The following GALNT7 variants were observed in gnomAD, a reference collection of about 807,000 sequenced individuals.
GALNT7 encodes the protein N-acetylgalactosaminyltransferase 7.
In GALNT7, 60 loss-of-function variants were observed where a neutral mutation model predicts 82.1. The ratio of observed to expected loss-of-function variants is 0.73; its 90% CI spans 0.59 to 0.91. GALNT7 has a LOEUF of 0.91. Among genes scored for constraint, GALNT7 ranks in the 40% least tolerant of loss-of-function variants. GALNT7 has a pLI of 0.00. For missense variants in GALNT7, 660 were observed against 804.2 expected (o/e 0.82, Z 2.17); for synonymous variants, 243 against 275.1 (o/e 0.88, Z 1.15).
chr4:173,218,356 G>C (rs1418553628), intron 1 of GALNT7, among the ~76,000 whole-genome samples: 1 of 152,156 alleles, frequency 6.6e-6, no homozygotes, highest in Non-Finnish European at 1.5e-5. Context: ...TTGAAAAAAC[G>C]TGAGACGATT....
At chr4:173,225,707 A>G (rs999291395) in intron 1 of GALNT7, among the ~76,000 whole-genome samples, 1 of 152,170 alleles carries the variant, frequency 6.6e-6, no homozygotes, top group Non-Finnish European at 1.5e-5. Context: ...GGAAAACACA[A>G]GTTTTATCTT....
chr4:173,288,832 A>G (rs749227206), intron 2 of GALNT7, among the ~76,000 whole-genome samples: 2 of 151,912 alleles, frequency 1.3e-5, no homozygotes, highest in Non-Finnish European at 2.9e-5. Context: ...GTCTCCAGGA[A>G]ATCACAAACA....
chr4:173,272,602 G>C (rs1328091488), intron 2 of GALNT7, among the ~76,000 whole-genome samples: 4 of 152,190 alleles, frequency 2.6e-5, no homozygotes, highest in Admixed American at 1.3e-4. Context: ...CAATGAAGCA[G>C]AGATGTAAAA....
chr4:173,277,890 T>G (rs1159246422), intron 2 of GALNT7, among the ~76,000 whole-genome samples: 1 of 152,186 alleles, frequency 6.6e-6, no homozygotes, highest in East Asian at 1.9e-4. Context: ...AAGAGTGCAC[T>G]AGATTTGTTA....
intron 1 of GALNT7, among the ~76,000 whole-genome samples, chr4:173,187,621 A>G (rs562870550): frequency 1.3e-5 from 2 of 152,352 alleles, no homozygotes; most frequent in East Asian, 1.9e-4. Flanking sequence ...TACTTGTTTC[A>G]CTATCTCTTC....
chr4:173,259,386 A>G (rs916714872), intron 2 of GALNT7, among the ~76,000 whole-genome samples: 2 of 151,596 alleles, frequency 1.3e-5, no homozygotes, highest in Non-Finnish European at 2.9e-5. Context: ...GTAATCATTC[A>G]TGGATGCATT....
intron 2 of GALNT7, among the ~76,000 whole-genome samples, chr4:173,269,496 T>C (rs182280545): frequency 3.7e-4 from 57 of 152,312 alleles, no homozygotes; most frequent in Middle Eastern, 6.8e-3. Flanking sequence ...TTTGCACTGA[T>C]TGGAATATTT....
intron 1 of GALNT7, among the ~76,000 whole-genome samples, chr4:173,242,127 G>A (rs1734456964): frequency 6.6e-6 from 1 of 152,048 alleles, no homozygotes. Flanking sequence ...TCTTTTAGTG[G>A]AGCATTATGA....
chr4:173,270,583 G>GT (rs1735686944), intron 2 of GALNT7, among the ~76,000 whole-genome samples: 1 of 152,104 alleles, frequency 6.6e-6, no homozygotes, highest in African/African-American at 2.4e-5. Flanking sequence ...GATTTCTAAG[G>GT]TTTTTGATGG....
chr4:173,203,677 T>C (rs1361695364), intron 1 of GALNT7, among the ~76,000 whole-genome samples: 1 of 152,228 alleles, frequency 6.6e-6, no homozygotes, highest in Non-Finnish European at 1.5e-5. Context: ...CAACATCATC[T>C]AGTTATAACA....
At chr4:173,227,721 G>A (rs541177740) in intron 1 of GALNT7, among the ~76,000 whole-genome samples, 2 of 152,194 alleles carry the variant, frequency 1.3e-5, no homozygotes, top group Middle Eastern at 3.4e-3. Context: ...TGTTGGCGGA[G>A]GTCATGCAGC....
rs765706224 is a variant in GALNT7, at chr4:173,320,745, T to C, written c.1837-835T>C. On this transcript the variant is annotated intron_variant, in intron 11 of 11. Transcript: ENST00000265000. This position sits in a 1 kb window ranked among gnomAD's most constrained non-coding sequence, Gnocchi z 4.1. ...TATCCTTGAGCATTGTACCTCATTA[T>C]ATGGAAGTACTTGATACGTACTTCC... Among the ~76,000 whole-genome samples the C allele has an allele frequency of 9.2e-5, 14 of 152,190 alleles. No homozygotes were observed. Among genetic ancestry groups the C allele is most frequent in the Non-Finnish European group, 1.9e-4 (13 of 68,028 alleles).
intron 1 of GALNT7, among the ~76,000 whole-genome samples, chr4:173,201,599 G>T (rs1280364375): frequency 6.6e-6 from 1 of 152,140 alleles, no homozygotes; most frequent in Non-Finnish European, 1.5e-5. Flanking sequence ...CGGTTTACAG[G>T]ATTCAAATCA....
chr4:173,242,797 T>C (rs1734481529), intron 1 of GALNT7, among the ~76,000 whole-genome samples: 1 of 152,238 alleles, frequency 6.6e-6, no homozygotes, highest in Admixed American at 6.5e-5. Context: ...TCCCTCTGAA[T>C]TTCTGGAGCT....
At chr4:173,246,322 G>T (rs933732227) in intron 1 of GALNT7, among the ~76,000 whole-genome samples, 1 of 152,148 alleles carries the variant, frequency 6.6e-6, no homozygotes, top group Non-Finnish European at 1.5e-5. Context: ...TTTTGAACCA[G>T]TTGTAATATC....
At position 173,267,381 on chromosome 4, in the gene GALNT7, A is replaced by G. The variant is rs1329497497; in HGVS notation, c.587+18941A>G. Among the ~76,000 whole-genome samples the G allele has an allele frequency of 2.6e-5, 4 of 152,316 alleles. No homozygotes were observed. The South Asian group carries it at 6.2e-4, about 24-fold the overall frequency. The stretch of plus-strand genomic sequence containing the variant: ...GGGAGATACACTGAAAGAGCATTCC[A>G]TTAAAATGCCTGTCAAACTGAAGGA... On this transcript the variant is annotated intron_variant, in intron 2 of 11. Coordinates refer to ENST00000265000, the MANE Select transcript of GALNT7 (RefSeq NM_017423.3).
chr4:173,252,626 A>C (rs982754846), intron 2 of GALNT7, among the ~76,000 whole-genome samples: 1 of 152,152 alleles, frequency 6.6e-6, no homozygotes, highest in African/African-American at 2.4e-5. Context: ...TTTTGAGTGA[A>C]CTGGAGGCCT....
intron 1 of GALNT7, among the ~76,000 whole-genome samples, chr4:173,213,622 T>A (rs977037632): frequency 6.6e-6 from 1 of 152,102 alleles, no homozygotes; most frequent in African/African-American, 2.4e-5. Flanking sequence ...GGAGGCTGTT[T>A]GCACATATCC....
intron 2 of GALNT7, among the ~76,000 whole-genome samples, chr4:173,288,944 C>G (rs2126823618): frequency 6.6e-6 from 1 of 152,068 alleles, no homozygotes; most frequent in East Asian, 2.0e-4. Flanking sequence ...CAGCAAGACT[C>G]TGTCTCTAGG....
Sources: gnomAD v4.1 joint callset for allele counts (sites outside exome capture counted in the v4.1 genomes callset) on GRCh38, gnomAD v4.1.1 for gene constraint, Gnocchi (gnomAD v3.1) non-coding constraint, MANE v1.5 for transcripts, NCBI Gene and HGNC (gene_info 2026-07-23, HGNC 2026-07-21) for gene names.